EYS: variants seen among roughly 807,000 people sequenced by gnomAD.
The protein encoded by EYS is protein eyes shut homolog.
In EYS, 250 loss-of-function variants were observed where a neutral mutation model predicts 282.1. The observed-to-expected ratio is 0.89, with a 90% CI of 0.80 to 0.98. The LOEUF (loss-of-function observed/expected upper bound fraction) is 0.98. EYS is among the 50% of genes least tolerant of loss of function. The probability of loss-of-function intolerance (pLI) is 0.00; values close to 1 mark genes in which losing one functional copy is unlikely to be tolerated. For missense variants in EYS, 4,016 were observed against 3,709.0 expected (o/e 1.08, Z -2.15); for synonymous variants, 1,355 against 1,282.9 (o/e 1.06, Z -1.20).
At chr6:65,234,239 T>C (rs1766863843) in intron 12 of EYS, among the ~76,000 whole-genome samples, 1 of 152,206 alleles carries the variant, frequency 6.6e-6, no homozygotes, top group Non-Finnish European at 1.5e-5. Context: ...GCATCAGAGC[T>C]GGGTGGAGGG....
At chr6:64,984,646 C>T (rs947472003) in intron 14 of EYS, among the ~76,000 whole-genome samples, 3 of 151,286 alleles carry the variant, frequency 2.0e-5, no homozygotes, top group Non-Finnish European at 1.5e-5. Context: ...TATTGATAGA[C>T]GAGACTATTT....
chr6:64,687,843 C>G (rs935059731), intron 22 of EYS, among the ~76,000 whole-genome samples: 2 of 152,128 alleles, frequency 1.3e-5, no homozygotes, highest in Admixed American at 1.3e-4. Context: ...GTGAATCAGT[C>G]TGGTCCTGGA....
chr6:64,331,083 G>A (rs1406293620), intron 29 of EYS, among the ~76,000 whole-genome samples: 2 of 152,178 alleles, frequency 1.3e-5, no homozygotes, highest in Non-Finnish European at 2.9e-5. Flanking sequence ...TTCAGTAGCT[G>A]AAGCCTGCCC....
At chr6:64,657,701 G>A (rs1216978102) in intron 22 of EYS, among the ~76,000 whole-genome samples, 1 of 152,180 alleles carries the variant, frequency 6.6e-6, no homozygotes, top group Non-Finnish European at 1.5e-5. Context: ...CTTCTGGCTT[G>A]TAGAGTTTCT....
intron 12 of EYS, among the ~76,000 whole-genome samples, chr6:65,203,227 T>C (rs1765946970): frequency 6.6e-6 from 1 of 152,188 alleles, no homozygotes; most frequent in Non-Finnish European, 1.5e-5. Flanking sequence ...AACCAGTTTA[T>C]ACCATTTAAC....
intron 2 of EYS, among the ~76,000 whole-genome samples, chr6:65,550,154 T>TATCTCCTTATC (rs1562254272): frequency 3.5e-4 from 3 of 8,604 alleles, no homozygotes; most frequent in South Asian, 5.7e-3. Flanking sequence ...TTTTTTTTTT[T>TATCTCCTTATC]TTTTTTTTTT....
intron 26 of EYS, among the ~76,000 whole-genome samples, chr6:64,444,141 G>A (rs1407882569): frequency 6.6e-6 from 1 of 152,026 alleles, no homozygotes; most frequent in Non-Finnish European, 1.5e-5. Context: ...AAAATCATTA[G>A]GCATCCACCT....
chr6:65,117,837 T>C (rs889739665), intron 12 of EYS, among the ~76,000 whole-genome samples: 1 of 152,178 alleles, frequency 6.6e-6, no homozygotes, highest in Non-Finnish European at 1.5e-5. Flanking sequence ...GTCCTAGAGA[T>C]AGAGCTATGA....
rs544180727 is a variant in EYS at position 64,459,449 on chromosome 6, G to A, written c.5645-20097C>T. ...ATGGGATATACTTATATTTGAAGGGGATTTTATTAGGAGAATTAACTCACA... is the reference window on the plus strand; with the variant it reads ...ATGGGATATACTTATATTTGAAGGGAATTTTATTAGGAGAATTAACTCACA... On this transcript the variant is annotated intron_variant, in intron 26 of 42. Transcript: ENST00000503581. Among the ~76,000 whole-genome samples, 3 of 152,242 alleles carry A rather than the reference G, an allele frequency of 2.0e-5. No homozygotes were observed. In the South Asian group the frequency reaches 6.2e-4, roughly 32 times the overall value.
At chr6:64,832,605 A>G (rs1033533036) in intron 19 of EYS, among the ~76,000 whole-genome samples, 3 of 151,944 alleles carry the variant, frequency 2.0e-5, no homozygotes, top group African/African-American at 4.8e-5. Context: ...CTTACCACAA[A>G]AAAGATAAAT....
chr6:64,565,281 G>A (rs944370277), intron 26 of EYS, among the ~76,000 whole-genome samples: 2 of 151,288 alleles, frequency 1.3e-5, no homozygotes, highest in Non-Finnish European at 3.0e-5. Flanking sequence ...AGTCAGAAGT[G>A]TTTTTTTTCT....
At chr6:65,370,746 C>T (rs752255199) in intron 8 of EYS, among the ~76,000 whole-genome samples, 12 of 151,888 alleles carry the variant, frequency 7.9e-5, no homozygotes, top group Non-Finnish European at 1.6e-4. Flanking sequence ...AGTTCTCCTG[C>T]TCAGTTTCTA....
intron 1 of EYS, among the ~76,000 whole-genome samples, chr6:65,648,946 A>AC (rs1415043213): frequency 8.6e-5 from 13 of 151,670 alleles, no homozygotes; most frequent in Admixed American, 7.9e-4. Flanking sequence ...GGAGATAGAG[A>AC]CCATCCTGGC....
At position 65,652,550 on chromosome 6, in the gene EYS, T is replaced by C. The variant is rs1488467245; in HGVS notation, c.-447-12658A>G. On this transcript the variant is annotated intron_variant, in intron 1 of 42. Coordinates refer to ENST00000503581, the MANE Select transcript of EYS (RefSeq NM_001142800.2). The stretch of plus-strand genomic sequence containing the variant: ...TCACAGAAAGGACTGATTCCACTTC[T>C]GTGTAGTTAGTGTAAATATAGAGAG... Among the ~76,000 whole-genome samples the C allele has an allele frequency of 2.0e-5, 3 of 152,030 alleles. No individual in the cohort carries two copies. In the East Asian group the frequency reaches 5.8e-4, roughly 29 times the overall value.
At position 65,111,095 on chromosome 6, in the gene EYS, T is replaced by A. The variant is rs75449808; in HGVS notation, c.2024-53368A>T. Among the ~76,000 whole-genome samples the A allele has an allele frequency of 3.4e-4, 52 of 151,974 alleles. No homozygotes were observed. In the East Asian group the frequency reaches 9.9e-3, roughly 29 times the overall value. On this transcript the variant is annotated intron_variant, in intron 12 of 42. Transcript: ENST00000503581. The stretch of plus-strand genomic sequence containing the variant: ...ATAGAAAATATTAACGAAATAAGAC[T>A]CCAATATTTTATTTTTAGTAATTAC...
intron 29 of EYS, among the ~76,000 whole-genome samples, chr6:64,335,383 C>T: frequency 6.6e-6 from 1 of 151,988 alleles, no homozygotes; most frequent in East Asian, 1.9e-4. Context: ...CGAGTTTCTG[C>T]TTACCTCCCT....
rs887637203 is a variant in EYS at position 65,277,541 on chromosome 6, C to G, written c.2023+18322G>C. Among the ~76,000 whole-genome samples the G allele has an allele frequency of 2.0e-5, 3 of 152,130 alleles. No individual in the cohort carries two copies. In the South Asian group the frequency reaches 6.3e-4, roughly 32 times the overall value. Reference sequence around the variant, plus strand: ...AGCAGTCTGCATTCCGGGAAAGAACCCTTACCTGAACTCAATCATGCTGGC... The same window carrying G: ...AGCAGTCTGCATTCCGGGAAAGAACGCTTACCTGAACTCAATCATGCTGGC... On this transcript the variant is annotated intron_variant, in intron 12 of 42. Coordinates refer to ENST00000503581, the MANE Select transcript of EYS (RefSeq NM_001142800.2).
At chr6:64,181,730 A>T (rs1383369843) in intron 31 of EYS, among the ~76,000 whole-genome samples, 2 of 152,126 alleles carry the variant, frequency 1.3e-5, no homozygotes, top group African/African-American at 2.4e-5. Flanking sequence ...AATGCCATAG[A>T]CAGGATTAAA....
chr6:65,301,814 G>A (rs1768842855), intron 11 of EYS, among the ~76,000 whole-genome samples: 1 of 152,206 alleles, frequency 6.6e-6, no homozygotes, highest in African/African-American at 2.4e-5. Flanking sequence ...TGTGGGGAAG[G>A]CCTATACTGT....
Sources: allele counts gnomAD v4.1 joint callset (sites outside exome capture counted in the v4.1 genomes callset), GRCh38; gene constraint gnomAD v4.1.1; transcripts MANE v1.5; gene names NCBI Gene and HGNC (gene_info 2026-07-23, HGNC 2026-07-21).